Variants in ZNF705A observed in about 807,000 individuals in gnomAD.
The protein encoded by ZNF705A is zinc finger protein 705A.
Under a neutral mutation model 16.6 loss-of-function variants are expected in ZNF705A, and 8 were observed. That is an observed-to-expected ratio of 0.48 (90% CI 0.28 to 0.87). The LOEUF is 0.87. ZNF705A is among the 40% of genes least tolerant of loss of function. The pLI is 0.10. For synonymous variants in ZNF705A, 73 were observed against 117.3 expected, an observed-to-expected ratio of 0.62 and a Z score of 2.44; for missense variants, 233 against 359.9, an observed-to-expected ratio of 0.65 and a Z score of 2.85.
chr12:8,165,716 G>A (rs143891469), intron 1 of ZNF705A, among the ~76,000 whole-genome samples: 493 of 151,942 alleles, frequency 3.2e-3, no homozygotes, highest in African/African-American at 7.2e-3. Context: ...CTGTTGTTCC[G>A]ATCTTTACGT....
upstream of ZNF705A, among the ~76,000 whole-genome samples, chr12:8,169,172 C>T (rs1036206375): frequency 6.6e-6 from 1 of 151,952 alleles, no homozygotes; most frequent in African/African-American, 2.4e-5. Flanking sequence ...TTCCTCTCTC[C>T]TGTTACACAA....
At chr12:8,158,512 C>T (rs1213054634) in intron 1 of ZNF705A, among the ~76,000 whole-genome samples, 2 of 151,984 alleles carry the variant, frequency 1.3e-5, no homozygotes, top group Non-Finnish European at 2.9e-5. Flanking sequence ...TGTATAAATG[C>T]AACATACATA....
At chr12:8,177,640 C>G (rs1948497319) in exon 5 of ZNF705A, 1 of 1,593,866 alleles carries the variant, frequency 6.3e-7, no homozygotes, top group Admixed American at 1.8e-5. Flanking sequence ...GTGGGAAAGC[C>G]TTCAGTCAAT....
At chr12:8,161,477 C>T (rs2120698562) in intron 1 of ZNF705A, among the ~76,000 whole-genome samples, 1 of 144,682 alleles carries the variant, frequency 6.9e-6, no homozygotes, top group South Asian at 2.3e-4. Flanking sequence ...AATCTTGCTG[C>T]TTGTTACTGG....
At chr12:8,157,875 A>G (rs748874480) in intron 1 of ZNF705A, among the ~76,000 whole-genome samples, 1 of 151,828 alleles carries the variant, frequency 6.6e-6, no homozygotes, top group Admixed American at 6.6e-5. Flanking sequence ...AGACCCAAAT[A>G]CTCTTGGCTG....
exon 5 of ZNF705A, chr12:8,178,044 G>T (rs1397150922): frequency 5.6e-6 from 1 of 178,226 alleles, no homozygotes; most frequent in East Asian, 1.5e-4. Flanking sequence ...TTCAGGTAGA[G>T]AATCTCTAAC....
At chr12:8,174,599 A>G in intron 2 of ZNF705A, 147 bp downstream of exon 3, 1 of 1,500,944 alleles carries the variant, frequency 6.7e-7, no homozygotes, top group East Asian at 2.3e-5. Context: ...AACTTTCTAA[A>G]TCTATCTGAA....
intron 1 of ZNF705A, among the ~76,000 whole-genome samples, chr12:8,173,142 C>T (rs575339294): frequency 5.8e-4 from 89 of 152,280 alleles, no homozygotes; most frequent in Non-Finnish European, 1.1e-3. Flanking sequence ...TTCAATAAAT[C>T]CAGTGTGATA....
At position 8,165,278 on chromosome 12, in the gene ZNF705A, A is replaced by ATTTTT. The variant is rs36022408; in HGVS notation, c.-71-7259_-71-7255dup. 3.5e-3 allele frequency among the ~76,000 whole-genome samples: 328 copies of ATTTTT among 94,478 alleles called. 13 individuals carry two copies. Among genetic ancestry groups the ATTTTT allele is most frequent in the African/African-American group, 0.015 (315 of 20,838 alleles). 62.0% of individuals were successfully genotyped at this position (94,478 alleles called of 152,430 possible). On this transcript the variant is annotated intron_variant, in intron 1 of 5. Coordinates refer to the ZNF705A transcript ENST00000396570. Reference sequence around the variant, plus strand: ...GAAATGTCTACTCAGATCTTTGCCCATTTTTTTTTTTTTTTTTTTTTTGAG... The same window carrying ATTTTT: ...GAAATGTCTACTCAGATCTTTGCCCATTTTTTTTTTTTTTTTTTTTTTTTTTTGAG...
chr12:8,163,081 C>T (rs1351782714), intron 1 of ZNF705A, among the ~76,000 whole-genome samples: 4 of 152,114 alleles, frequency 2.6e-5, no homozygotes, highest in East Asian at 1.9e-4. Flanking sequence ...GAAAGACCAC[C>T]GCACATGGAG....
At chr12:8,166,406 G>A (rs1437544293) in intron 1 of ZNF705A, among the ~76,000 whole-genome samples, 7 of 152,164 alleles carry the variant, frequency 4.6e-5, no homozygotes, top group Non-Finnish European at 1.0e-4. Flanking sequence ...ACCCAGTGGC[G>A]ATAACTGAAT....
exon 5 of ZNF705A, chr12:8,177,195 A>G (rs756220651): frequency 6.8e-6 from 11 of 1,612,012 alleles, no homozygotes; most frequent in Non-Finnish European, 9.3e-6. Flanking sequence ...GGTAAATCAT[A>G]TCAATGTAAT....
At chr12:8,176,877 C>T (rs1948487604) in intron 4 of ZNF705A, 122 bp from the exon 6 acceptor site, 3 of 1,422,442 alleles carry the variant, frequency 2.1e-6, no homozygotes, top group East Asian at 2.3e-5. Context: ...ACACAAGAAA[C>T]ATTGGAAAGC....
Position 8,163,799 on chromosome 12 carries a change from C to T in ZNF705A, c.-72+6707C>T, listed in dbSNP as rs149417487. Among the ~76,000 whole-genome samples, 1,179 of 152,282 alleles carry T rather than the reference C, an allele frequency of 7.7e-3. 15 individuals are homozygous for T. Among genetic ancestry groups the T allele is most frequent in the African/African-American group, 0.027 (1,113 of 41,536 alleles). Reference sequence around the variant, plus strand: ...GGCTCTAGTTTGGCTGCTAAATCCCCACCTATCATTTTTGAATTCCAGGCA... The same window carrying T: ...GGCTCTAGTTTGGCTGCTAAATCCCTACCTATCATTTTTGAATTCCAGGCA... On this transcript the variant is annotated intron_variant, in intron 1 of 5. Coordinates refer to the ZNF705A transcript ENST00000396570.
At chr12:8,166,514 A>G (rs1411139658) in intron 1 of ZNF705A, among the ~76,000 whole-genome samples, 1 of 152,176 alleles carries the variant, frequency 6.6e-6, no homozygotes, top group Non-Finnish European at 1.5e-5. Context: ...CTTGGCTGTC[A>G]TTCTCTCACT....
At chr12:8,168,374 C>T (rs1479458550), upstream of ZNF705A, among the ~76,000 whole-genome samples, 3 of 152,142 alleles carry the variant, frequency 2.0e-5, no homozygotes, top group Non-Finnish European at 4.4e-5. Context: ...ACAAGACAAG[C>T]CTTGTATATC....
chr12:8,162,517 CT>C (rs1369338583), intron 1 of ZNF705A, among the ~76,000 whole-genome samples: 1 of 152,110 alleles, frequency 6.6e-6, no homozygotes, highest in African/African-American at 2.4e-5. Context: ...TTCCAGGTCA[CT>C]AGAAGAATCT....
upstream of ZNF705A, among the ~76,000 whole-genome samples, chr12:8,172,377 G>T (rs1317933260): frequency 6.6e-6 from 1 of 151,896 alleles, no homozygotes. Flanking sequence ...AGCAACCATA[G>T]TCATAGGCTT....
At chr12:8,171,067 C>T (rs1948441126), upstream of ZNF705A, among the ~76,000 whole-genome samples, 1 of 152,030 alleles carries the variant, frequency 6.6e-6, no homozygotes, top group South Asian at 2.1e-4. Flanking sequence ...GTAATTTTGT[C>T]ATATTTTTCA....
Sources: allele counts gnomAD v4.1 joint callset (sites outside exome capture counted in the v4.1 genomes callset), GRCh38; gene constraint gnomAD v4.1.1; transcripts MANE v1.5; gene names NCBI Gene and HGNC (gene_info 2026-07-23, HGNC 2026-07-21).